The following ELMO1 variants were observed in gnomAD, a reference collection of about 807,000 sequenced individuals.
ELMO1 encodes engulfment and cell motility protein 1.
ELMO1 carries 26 observed loss-of-function variants against 98.9 expected under a neutral mutation model. That is an observed-to-expected ratio of 0.26 (90% CI 0.19 to 0.36). The LOEUF is 0.36. Ranked by LOEUF, ELMO1 falls within the 10% of genes least tolerant of loss-of-function variation. ELMO1 has a pLI of 1.00. For synonymous variants in ELMO1, 346 were observed against 346.0 expected (o/e 1.00, Z 0.00); for missense variants, 627 against 935.2 (o/e 0.67, Z 4.30).
At chr7:37,012,377 C>A (rs1213170880) in intron 16 of ELMO1, among the ~76,000 whole-genome samples, 2 of 152,166 alleles carry the variant, frequency 1.3e-5, no homozygotes, top group Non-Finnish European at 2.9e-5. Flanking sequence ...ATGCACCAAG[C>A]ACGCCCATGA....
At chr7:37,398,875 C>T (rs926670965) in intron 1 of ELMO1, among the ~76,000 whole-genome samples, 1 of 152,180 alleles carries the variant, frequency 6.6e-6, no homozygotes, top group Non-Finnish European at 1.5e-5. Context: ...TCTTTCAAGG[C>T]ACCCTGTTCC....
intron 5 of ELMO1, among the ~76,000 whole-genome samples, chr7:37,268,424 C>A (rs979737032): frequency 6.6e-6 from 1 of 152,162 alleles, no homozygotes. Flanking sequence ...CCTCAGCCTG[C>A]CGAGAAGCTG....
intron 13 of ELMO1, among the ~76,000 whole-genome samples, chr7:37,176,607 T>C (rs985376622): frequency 1.3e-5 from 2 of 152,146 alleles, no homozygotes; most frequent in Non-Finnish European, 2.9e-5. Context: ...GGTATAACAA[T>C]ATGAAAAAGT....
intron 1 of ELMO1, among the ~76,000 whole-genome samples, chr7:37,430,616 C>T (rs1263171408): frequency 6.6e-6 from 1 of 152,240 alleles, no homozygotes. Context: ...CTGAGCTCAC[C>T]GGTGTCTCCT....
intron 18 of ELMO1, among the ~76,000 whole-genome samples, chr7:36,885,319 AAACAACAACAACAACAACAAC>A (rs143571798): frequency 2.3e-4 from 35 of 150,366 alleles, no homozygotes; most frequent in African/African-American, 6.8e-4. Flanking sequence ...AACATTTTTT[AAACAACAACAACAACAACAAC>A]AACAACAACA....
chr7:37,364,762 T>C (rs1801832027), intron 1 of ELMO1, among the ~76,000 whole-genome samples: 1 of 152,200 alleles, frequency 6.6e-6, no homozygotes, highest in Admixed American at 6.5e-5. Context: ...ACCAGACAAC[T>C]AAGGATATCG....
intron 16 of ELMO1, among the ~76,000 whole-genome samples, chr7:36,940,852 T>C (rs1416027317): frequency 6.6e-6 from 1 of 152,182 alleles, no homozygotes; most frequent in Non-Finnish European, 1.5e-5. Context: ...ATGCACACAA[T>C]TAGCTCTTGC....
At chr7:37,241,045 G>C (rs1794740624) in intron 7 of ELMO1, among the ~76,000 whole-genome samples, 1 of 152,098 alleles carries the variant, frequency 6.6e-6, no homozygotes, top group South Asian at 2.1e-4. Flanking sequence ...AGTTAGGAAA[G>C]ACTGGTCTTA....
chr7:36,974,457 G>A (rs1300064762), intron 16 of ELMO1, among the ~76,000 whole-genome samples: 2 of 152,254 alleles, frequency 1.3e-5, no homozygotes, highest in East Asian at 1.9e-4. Context: ...GTTTGTGAAT[G>A]CACCAATCGA....
chr7:37,392,867 C>G (rs1803139290), intron 1 of ELMO1, among the ~76,000 whole-genome samples: 1 of 152,194 alleles, frequency 6.6e-6, no homozygotes, highest in South Asian at 2.1e-4. Flanking sequence ...CTGCTAATTG[C>G]ATCTGCCCTG....
chr7:37,222,263 A>C (rs1341739888), intron 10 of ELMO1, among the ~76,000 whole-genome samples: 1 of 152,212 alleles, frequency 6.6e-6, no homozygotes, highest in Non-Finnish European at 1.5e-5. Flanking sequence ...ATCCCATGAA[A>C]TGACAGAAGG....
chr7:37,213,761 G>T (rs184293187), intron 11 of ELMO1, among the ~76,000 whole-genome samples: 1 of 152,210 alleles, frequency 6.6e-6, no homozygotes, highest in Non-Finnish European at 1.5e-5. Context: ...TTGAAATGGG[G>T]GTGTCTCCAA....
chr7:37,304,584 C>T (rs769858790), intron 4 of ELMO1, among the ~76,000 whole-genome samples: 3 of 152,056 alleles, frequency 2.0e-5, no homozygotes, highest in South Asian at 2.1e-4. Flanking sequence ...GGTGTGGTGG[C>T]GTGCGCCTGT....
intron 18 of ELMO1, among the ~76,000 whole-genome samples, chr7:36,882,662 G>T (rs1429673875): frequency 6.6e-6 from 1 of 152,240 alleles, no homozygotes; most frequent in Non-Finnish European, 1.5e-5. Context: ...CTTATTAGCT[G>T]CGGGGCCTTG....
chr7:36,931,194 CAG>C (rs1248756005), intron 16 of ELMO1, among the ~76,000 whole-genome samples: 2 of 152,196 alleles, frequency 1.3e-5, no homozygotes, highest in Non-Finnish European at 2.9e-5. Context: ...GGATTTATCC[CAG>C]AGAGTCAATC....
chr7:37,342,516 G>T lies in ELMO1; in HGVS notation c.78+97C>A. 8.1e-7 allele frequency: 1 copy of T among 1,231,524 alleles called. No individual in the cohort carries two copies. Among genetic ancestry groups the T allele is most frequent in the Non-Finnish European group, 1.2e-6 (1 of 835,008 alleles). The allele number at this position is 1,231,524 out of a possible 1,614,324, so 76.3% of individuals were successfully genotyped here. A position where few individuals can be genotyped will look rare whatever the true frequency, so the allele number is the denominator to read the frequency against. On this transcript the variant is annotated intron_variant, in intron 2 of 21. Coordinates refer to ENST00000310758, the MANE Select transcript of ELMO1 (RefSeq NM_014800.11). The surrounding 1 kb of genome is among the most constrained non-coding windows in gnomAD (Gnocchi z 4.3). ...GCACAGATTTTTCAACACAGCTAGAGAGAGAAAGGGAGAAGAGTGAGCTAT... is the reference window on the plus strand; with the variant it reads ...GCACAGATTTTTCAACACAGCTAGATAGAGAAAGGGAGAAGAGTGAGCTAT...
intron 4 of ELMO1, among the ~76,000 whole-genome samples, chr7:37,278,427 T>G (rs1796967956): frequency 1.3e-5 from 2 of 152,068 alleles, no homozygotes; most frequent in Admixed American, 1.3e-4. Context: ...GATGATTGCT[T>G]GAGCCCAGAA....
rs142106788 is a variant in ELMO1 at position 37,081,434 on chromosome 7, C to T, written c.1300+15185G>A. 8.9e-3 allele frequency among the ~76,000 whole-genome samples: 1,358 copies of T among 152,270 alleles called. 6 individuals carry two copies. Among genetic ancestry groups the T allele is most frequent in the Middle Eastern group, 0.014 (4 of 294 alleles). On this transcript the variant is annotated intron_variant, in intron 15 of 21. Coordinates refer to ENST00000310758, the MANE Select transcript of ELMO1 (RefSeq NM_014800.11). ...TAAAATCACCTAGGAGAATTTGGTA[C>T]AGTATATGTGATATGGTTTGGCTGT... is the stretch of plus-strand genomic sequence containing the variant.
intron 5 of ELMO1, among the ~76,000 whole-genome samples, chr7:37,266,973 A>G (rs1399931273): frequency 2.7e-5 from 4 of 150,374 alleles, no homozygotes. Flanking sequence ...AAATTGTGCC[A>G]CTATACTCCA....
Sources: gnomAD v4.1 joint callset for allele counts (sites outside exome capture counted in the v4.1 genomes callset) on GRCh38, gnomAD v4.1.1 for gene constraint, Gnocchi (gnomAD v3.1) non-coding constraint, MANE v1.5 for transcripts, NCBI Gene and HGNC (gene_info 2026-07-23, HGNC 2026-07-21) for gene names.